GKN1: variants seen among roughly 807,000 people sequenced by gnomAD.
GKN1 encodes gastrokine 1, also known as gastrokine-1.
GKN1 carries 17 observed loss-of-function variants against 19.7 expected under a neutral mutation model. The ratio of observed to expected loss-of-function variants is 0.86; its 90% CI spans 0.59 to 1.29. The LOEUF is 1.29. Among genes scored for constraint, GKN1 ranks in the 50% most tolerant of loss-of-function variants. GKN1 has a pLI of 0.00. For missense variants in GKN1, 218 were observed against 224.5 expected (o/e 0.97, Z 0.19); for synonymous variants, 96 against 78.3 (o/e 1.23, Z -1.20).
rs1558715320 is a variant in GKN1, at chr2:68,978,298, G to GAAAGAAAGAAAGAAAGAAAGAAAGAA, written c.204+525_204+526insAAGAAAGAAAGAAAGAAAGAAAGAAA. On this transcript the variant is annotated intron_variant, in intron 3 of 5. Transcript: ENST00000377938. The stretch of plus-strand genomic sequence containing the variant: ...AAAGAAAGAAAGAAAGAAAGAAAGA[G>GAAAGAAAGAAAGAAAGAAAGAAAGAA]AGAGAAAGAAAGAAAAAGAAAAAAG... Among the ~76,000 whole-genome samples, 73 of 105,058 alleles carry GAAAGAAAGAAAGAAAGAAAGAAAGAA rather than the reference G, an allele frequency of 6.9e-4. 2 individuals carry two copies. Among genetic ancestry groups the GAAAGAAAGAAAGAAAGAAAGAAAGAA allele is most frequent in the African/African-American group, 3.8e-3 (71 of 18,610 alleles). 68.9% of individuals were successfully genotyped at this position (105,058 alleles called of 152,430 possible).
At position 68,977,623 on chromosome 2, in the gene GKN1, C is replaced by G; in HGVS notation, c.67-14C>G. 1 of 1,609,178 alleles carries G rather than the reference C, an allele frequency of 6.2e-7. No homozygotes were observed. The highest frequency in any genetic ancestry group is 8.5e-7 in the Non-Finnish European group (1 of 1,175,574). The stretch of plus-strand genomic sequence containing the variant: ...TGTGATATTAAATCACTCTCAATCT[C>G]TTATAAACTTCAGAATATCAACGTC... On this transcript the variant is annotated splice_polypyrimidine_tract_variant and intron_variant, in intron 2 of 5. Transcript: ENST00000377938.
chr2:68,980,681 A>G, intron 5 of GKN1, 48 bp from the exon 6 acceptor site: 3 of 944,570 alleles, frequency 3.2e-6, no homozygotes, highest in Non-Finnish European at 5.2e-6. Flanking sequence ...CCAAGAAAAG[A>G]GTCCTTAAAT....
At chr2:68,976,676 T>A (rs1290335829) in intron 1 of GKN1, among the ~76,000 whole-genome samples, 2 of 152,232 alleles carry the variant, frequency 1.3e-5, no homozygotes, top group African/African-American at 4.8e-5. Context: ...CTCGAAGAAG[T>A]ATAACTTTCT....
intron 5 of GKN1, among the ~76,000 whole-genome samples, chr2:68,980,374 G>A (rs1307455274): frequency 6.6e-6 from 1 of 152,132 alleles, no homozygotes; most frequent in Non-Finnish European, 1.5e-5. Context: ...TAAATATTAT[G>A]GAACACTGCC....
At chr2:68,978,806 T>C in intron 3 of GKN1, 65 bp from the exon 4 acceptor site, 2 of 839,846 alleles carry the variant, frequency 2.4e-6, no homozygotes, top group East Asian at 2.6e-5. Context: ...CAGGTGGAAC[T>C]GACCTCTGAT....
chr2:68,980,028 G>A lies in GKN1; in HGVS notation c.431G>A (p.Gly144Glu). 6.2e-7 allele frequency: 1 copy of A among 1,614,014 alleles called. No homozygotes were observed. ...FGKNIANMCRGIPTYMAEEMQ... is the reference protein window; with the variant it reads ...FGKNIANMCREIPTYMAEEMQ... ...AAAAACATTGCAAACATGTGTCGTG[G>A]GATTCCAACATACATGGCTGAGGAG... is the stretch of plus-strand genomic sequence containing the variant. The change falls in exon 5 of 6, where the codon GGG becomes GAG. Residue 144 changes from glycine to glutamate, a missense_variant. Transcript: ENST00000377938.
Position 68,980,709 on chromosome 2 carries a change from T to G in GKN1, c.464-20T>G, listed in dbSNP as rs933628191. On this transcript the variant is annotated intron_variant, in intron 5 of 5. Transcript: ENST00000377938. ...CCTTAAATAGACATTAATATAGGCT[T>G]CTTCTTTTCTCTTTATTAGAGGCAA... The G allele has an allele frequency of 2.3e-6, 3 of 1,278,114 alleles. No individual in the cohort carries two copies. The highest frequency in any genetic ancestry group is 1.5e-5 in the African/African-American group (1 of 68,460). The allele number at this position is 1,278,114 out of a possible 1,614,324, so 79.2% of individuals were successfully genotyped here.
intron 4 of GKN1, 93 bp from the exon 5 acceptor site, chr2:68,979,820 G>A (rs940608076): frequency 2.0e-6 from 2 of 995,380 alleles, no homozygotes; most frequent in South Asian, 2.7e-5. Flanking sequence ...AACACTCACT[G>A]TTGGCCTCGT....
rs759880395 is a variant in GKN1 at position 68,980,739 on chromosome 2, G to GT, written c.481dup (p.Tyr161LeufsTer36). 4.5e-6 allele frequency: 7 copies of GT among 1,558,496 alleles called. No homozygotes were observed. Among genetic ancestry groups the GT allele is most frequent in the South Asian group, 2.2e-5 (2 of 89,936 alleles). On this transcript the variant is annotated frameshift_variant, in exon 6 of 6. Transcript: ENST00000377938. LOFTEE classifies it low-confidence loss of function (END_TRUNC). Reference sequence around the variant, plus strand: ...TTTTCTCTTTATTAGAGGCAAGCCTGTTTTTTTACTCAGGAACGTGCTACA... The same window carrying GT: ...TTTTCTCTTTATTAGAGGCAAGCCTGTTTTTTTTACTCAGGAACGTGCTACA...
At position 68,977,691 on chromosome 2, in the gene GKN1, A is replaced by C. The variant is rs1670284527; in HGVS notation, c.121A>C (p.Ser41Arg). The C allele has an allele frequency of 6.2e-7, 1 of 1,605,668 alleles. No homozygotes were observed. The highest frequency in any genetic ancestry group is 8.5e-7 in the Non-Finnish European group (1 of 1,172,286). ...NNAGSGQQSVSVNNEHNVANV... is the reference protein window; with the variant it reads ...NNAGSGQQSVRVNNEHNVANV... The stretch of plus-strand genomic sequence containing the variant: ...TGCTGGAAGTGGGCAGCAGTCAGTG[A>C]GTGTCAACAATGAACACAATGTGGC... Residue 41 changes from serine (S) to arginine (R), a missense_variant, in exon 3 of 6, where the codon AGT becomes CGT. Physicochemically the swap from Ser to Arg is moderately radical, Grantham distance 110. Coordinates refer to ENST00000377938, the MANE Select transcript of GKN1 (RefSeq NM_019617.4).
intron 1 of GKN1, 100 bp from the exon 2 acceptor site, chr2:68,977,395 T>C (rs1016766535): frequency 8.3e-5 from 70 of 842,154 alleles, no homozygotes; most frequent in Middle Eastern, 6.8e-4. Flanking sequence ...ACTGAACACA[T>C]TGGTAAAATT....
rs769002727 is a variant in GKN1 at position 68,977,504 on chromosome 2, G to A, written c.22G>A (p.Ala8Thr). Residue 8 changes from alanine (A) to threonine (T), a missense_variant, in exon 2 of 6, where the codon GCT (alanine) becomes ACT (threonine). Physicochemically the swap from Ala to Thr is moderately conservative, Grantham distance 58 (BLOSUM62 0). Transcript: ENST00000377938. MKFTIVF[A>T]GLLGVFLAPA... The stretch of plus-strand genomic sequence containing the variant: ...TTATTTGTGATTTCAGATTGTCTTT[G>A]CTGGACTTCTTGGAGTCTTTCTAGC... 1.2e-6 allele frequency: 2 copies of A among 1,607,828 alleles called. No individual in the cohort carries two copies. Among genetic ancestry groups the A allele is most frequent in the South Asian group, 2.2e-5 (2 of 90,926 alleles).
Position 68,978,321 on chromosome 2 carries a change from AAG to A in GKN1, c.205-544_205-543del, listed in dbSNP as rs1301276888. On this transcript the variant is annotated intron_variant, in intron 3 of 5. Coordinates refer to ENST00000377938, the MANE Select transcript of GKN1 (RefSeq NM_019617.4). ...GAGAGAGAAAGAAAGAAAAAGAAAA[AAG>A]AGAGAAAGAGAGAAGGAAAGAAAGA... is the stretch of plus-strand genomic sequence containing the variant. 2.6e-5 allele frequency among the ~76,000 whole-genome samples: 4 copies of A among 151,452 alleles called. 1 individual carries two copies. Among genetic ancestry groups the A allele is most frequent in the South Asian group, 4.2e-4 (2 of 4,784 alleles).
rs989876571 is a variant in GKN1, at chr2:68,977,567, A to G, written c.66+19A>G. On this transcript the variant is annotated intron_variant, in intron 2 of 5. Transcript: ENST00000377938. ...TAACTATGTAAGTCTCACCTTTTCA[A>G]GTTTGCTACCAAAATGCATTTGCAA... is the stretch of plus-strand genomic sequence containing the variant. The G allele has an allele frequency of 7.5e-6, 12 of 1,607,540 alleles. No individual in the cohort carries two copies. Among genetic ancestry groups the G allele is most frequent in the East Asian group, 2.2e-5 (1 of 44,820 alleles).
In GKN1 at chr2:68,980,025, G is replaced by A. The variant is rs374864826; in HGVS notation, c.428G>A (p.Arg143His). ...GGAAAAAACATTGCAAACATGTGTC[G>A]TGGGATTCCAACATACATGGCTGAG... ...KFGKNIANMC[R>H]GIPTYMAEEM... The change falls in exon 5 of 6, where the codon CGT becomes CAT. Residue 143 changes from arginine to histidine, a missense_variant. Physicochemically the swap from Arg to His is conservative, Grantham distance 29 (BLOSUM62 0). Coordinates refer to ENST00000377938, the MANE Select transcript of GKN1 (RefSeq NM_019617.4). The A allele has an allele frequency of 1.2e-5, 20 of 1,613,828 alleles. No homozygotes were observed. Among genetic ancestry groups the A allele is most frequent in the Admixed American group, 8.3e-5 (5 of 59,996 alleles).
At chr2:68,976,151 G>C (rs1670259384) in intron 1 of GKN1, among the ~76,000 whole-genome samples, 1 of 151,906 alleles carries the variant, frequency 6.6e-6, no homozygotes, top group African/African-American at 2.4e-5. Flanking sequence ...CATTGCTTTG[G>C]AAAGTTTTTT....
At position 68,977,812 on chromosome 2, in the gene GKN1, A is replaced by G; in HGVS notation, c.204+38A>G. ...CGTGCAATTTTCACTTTATTGTTTA[A>G]AAATACGATTTCTTTTTAACAAAAA... On this transcript the variant is annotated intron_variant, in intron 3 of 5. Transcript: ENST00000377938. 2.6e-6 allele frequency: 4 copies of G among 1,522,728 alleles called. No individual in the cohort carries two copies. The South Asian group carries it at 4.6e-5, about 17-fold the overall frequency. 94.3% of individuals were successfully genotyped at this position (1,522,728 alleles called of 1,614,324 possible).
chr2:68,975,959 C>G (rs1005705053), intron 1 of GKN1, among the ~76,000 whole-genome samples: 15 of 152,156 alleles, frequency 9.9e-5, no homozygotes, highest in African/African-American at 3.6e-4. Flanking sequence ...ACTAGGTACC[C>G]AGAATGAGGC....
Position 68,979,920 on chromosome 2 carries a change from G to T in GKN1, c.323G>T (p.Gly108Val). Residue 108 changes from glycine (G) to valine (V), a missense_variant, in exon 5 of 6, where the codon GGT becomes GTT. Gly to Val is a moderately radical substitution (Grantham distance 109). Coordinates refer to ENST00000377938, the MANE Select transcript of GKN1 (RefSeq NM_019617.4). ...DALVKEKKLQGKGPGGPPPKG... is the reference protein window; with the variant it reads ...DALVKEKKLQVKGPGGPPPKG... The stretch of plus-strand genomic sequence containing the variant: ...TCTCTTTTCCACACTCAGCTTCAGG[G>T]TAAGGGACCAGGAGGACCACCTCCC... 6.2e-7 allele frequency: 1 copy of T among 1,613,440 alleles called. No homozygotes were observed. The highest frequency in any genetic ancestry group is 8.5e-7 in the Non-Finnish European group (1 of 1,179,382).
Sources: allele counts gnomAD v4.1 joint callset (sites outside exome capture counted in the v4.1 genomes callset), GRCh38; gene constraint gnomAD v4.1.1; transcripts MANE v1.5; gene names NCBI Gene and HGNC (gene_info 2026-07-23, HGNC 2026-07-21).